RAB38: variants seen among roughly 807,000 people sequenced by gnomAD.
RAB38 encodes RAB38, member RAS oncogene family.
Under a neutral mutation model 18.4 loss-of-function variants are expected in RAB38, and 15 were observed. That is an observed-to-expected ratio of 0.82 (90% CI 0.55 to 1.26). The LOEUF (loss-of-function observed/expected upper bound fraction) is 1.26. RAB38 is among the 50% of genes most tolerant of loss of function. RAB38 has a pLI of 0.00. For missense variants in RAB38, 294 were observed against 267.4 expected (o/e 1.10, Z -0.69); for synonymous variants, 101 against 104.4 (o/e 0.97, Z 0.20).
chr11:88,107,454 A>C, the RAB38 span, among the ~76,000 whole-genome samples: 1 of 152,016 alleles, frequency 6.6e-6, no homozygotes, highest in African/African-American at 2.4e-5. Context: ...TAATATCTAC[A>C]TGTATTGATT....
chr11:87,973,675 C>T, the RAB38 span, among the ~76,000 whole-genome samples: 1 of 151,930 alleles, frequency 6.6e-6, no homozygotes, highest in Admixed American at 6.6e-5. Flanking sequence ...CCAACGAGAC[C>T]TCATCAAAGA....
At chr11:88,082,121 A>T in the RAB38 span, among the ~76,000 whole-genome samples, 1 of 151,864 alleles carries the variant, frequency 6.6e-6, no homozygotes, top group Admixed American at 6.6e-5. Context: ...GGAAATTGAC[A>T]CAAGAGCAAG....
the RAB38 span, among the ~76,000 whole-genome samples, chr11:88,018,690 T>G: frequency 6.6e-6 from 1 of 152,190 alleles, no homozygotes; most frequent in Non-Finnish European, 1.5e-5. Context: ...GTTTCTTATA[T>G]AAAATTGTGT....
At chr11:87,940,662 G>C in the RAB38 span, among the ~76,000 whole-genome samples, 7 of 152,158 alleles carry the variant, frequency 4.6e-5, no homozygotes, top group East Asian at 7.7e-4. Context: ...GAAAGAGAAA[G>C]AGATGGAGTC....
At chr11:87,977,868 AAT>A in the RAB38 span, among the ~76,000 whole-genome samples, 5 of 111,736 alleles carry the variant, frequency 4.5e-5, no homozygotes, top group African/African-American at 1.1e-4. Context: ...TATACTTACA[AAT>A]ATATATAAAG....
chr11:88,112,029 A>G (rs549266451), downstream of RAB38, among the ~76,000 whole-genome samples: 24 of 152,368 alleles, frequency 1.6e-4, no homozygotes, highest in African/African-American at 5.5e-4. Context: ...ATTAGAATCA[A>G]TGCCAGGTAG....
At chr11:88,137,747 G>A (rs1413682448) in intron 2 of RAB38, among the ~76,000 whole-genome samples, 1 of 152,154 alleles carries the variant, frequency 6.6e-6, no homozygotes, top group African/African-American at 2.4e-5. Flanking sequence ...TAAAGCACAG[G>A]ATTGTGGACT....
chr11:87,974,037 A>T, the RAB38 span, among the ~76,000 whole-genome samples: 1 of 151,952 alleles, frequency 6.6e-6, no homozygotes, highest in South Asian at 2.1e-4. Context: ...TAAAAACATA[A>T]CTCAATACCC....
the RAB38 span, among the ~76,000 whole-genome samples, chr11:88,010,542 T>G: frequency 6.6e-6 from 1 of 152,196 alleles, no homozygotes; most frequent in Non-Finnish European, 1.5e-5. Flanking sequence ...ACATTCATGA[T>G]ATAAGATGGA....
the RAB38 span, among the ~76,000 whole-genome samples, chr11:87,976,490 ATATT>A: frequency 4.7e-5 from 5 of 107,120 alleles, no homozygotes; most frequent in Admixed American, 4.0e-4. Context: ...ATATTTTTAT[ATATT>A]TATATATTTG....
chr11:87,956,136 G>A, the RAB38 span, among the ~76,000 whole-genome samples: 1 of 63,156 alleles, frequency 1.6e-5, no homozygotes, highest in Non-Finnish European at 3.0e-5. Context: ...CCTTGTAACT[G>A]TAAGTAAGTA....
At chr11:88,121,797 C>T (rs1167233053) in intron 2 of RAB38, among the ~76,000 whole-genome samples, 1 of 151,980 alleles carries the variant, frequency 6.6e-6, no homozygotes, top group African/African-American at 2.4e-5. Flanking sequence ...CTCCTGACCT[C>T]GGGATCTGCT....
At chr11:88,108,412 T>A (rs1942428653), downstream of RAB38, among the ~76,000 whole-genome samples, 1 of 152,238 alleles carries the variant, frequency 6.6e-6, no homozygotes, top group Non-Finnish European at 1.5e-5. Context: ...TGGTTTAAAA[T>A]CTGTTTTATC....
At chr11:88,037,405 T>G in the RAB38 span, among the ~76,000 whole-genome samples, 1 of 152,096 alleles carries the variant, frequency 6.6e-6, no homozygotes, top group Non-Finnish European at 1.5e-5. Context: ...CTAATTGTAT[T>G]ACTTTGACTT....
chr11:88,065,683 A>T, the RAB38 span, among the ~76,000 whole-genome samples: 1 of 152,340 alleles, frequency 6.6e-6, no homozygotes, highest in South Asian at 2.1e-4. Context: ...TTACTCTACA[A>T]ATGCACATAT....
At chr11:88,006,401 G>T in the RAB38 span, among the ~76,000 whole-genome samples, 2 of 151,274 alleles carry the variant, frequency 1.3e-5, no homozygotes, top group African/African-American at 4.8e-5. Context: ...ACCACCATAT[G>T]ATCCAGAAAT....
chr11:87,804,926 G>A, the RAB38 span, among the ~76,000 whole-genome samples: 136,049 of 152,258 alleles, frequency 0.89, 60,933 homozygotes, highest in East Asian at 0.99. Flanking sequence ...TAAACTTTCC[G>A]CCTTTGAATT....
the RAB38 span, among the ~76,000 whole-genome samples, chr11:87,887,816 C>A: frequency 2.6e-5 from 4 of 151,802 alleles, no homozygotes; most frequent in Non-Finnish European, 5.9e-5. Flanking sequence ...ACCTATCAAT[C>A]TTACATAAAA....
the RAB38 span, among the ~76,000 whole-genome samples, chr11:87,950,392 G>T: frequency 1.3e-5 from 2 of 152,068 alleles, no homozygotes. Flanking sequence ...TACATTTAAG[G>T]TTAATATTGT....
Sources: gnomAD v4.1 joint callset for allele counts (sites outside exome capture counted in the v4.1 genomes callset) on GRCh38, gnomAD v4.1.1 for gene constraint, MANE v1.5 for transcripts, NCBI Gene and HGNC (gene_info 2026-07-23, HGNC 2026-07-21) for gene names.